The following PCDHGA7 variants were observed in gnomAD, a reference collection of about 807,000 sequenced individuals.
PCDHGA7 encodes protocadherin gamma-A7.
In PCDHGA7, 44 loss-of-function variants were observed where a neutral mutation model predicts 58.3. That is an observed-to-expected ratio of 0.75 (90% CI 0.59 to 0.97). The LOEUF is 0.97. Among genes scored for constraint, PCDHGA7 ranks in the 50% least tolerant of loss-of-function variants. PCDHGA7 has a pLI of 0.00. For synonymous variants in PCDHGA7, 516 were observed against 504.2 expected (o/e 1.02, Z -0.31); for missense variants, 1,266 against 1,188.7 (o/e 1.06, Z -0.96).
chr5:141,485,109 CTGTT>C lies in PCDHGA7; in HGVS notation c.2425-9695_2425-9692del. ...AGATAGGTGTCTCCAGCTGCTGTGG[CTGTT>C]TGGGGCGGGTCGGCTTCATCCGCGT... On this transcript the variant is annotated intron_variant, in intron 1 of 3. Transcript: ENST00000518325. This position sits in a 1 kb window ranked among gnomAD's most constrained non-coding sequence, Gnocchi z 5.7. 8.1e-7 allele frequency: 1 copy of C among 1,230,964 alleles called. No individual in the cohort carries two copies. Among genetic ancestry groups the C allele is most frequent in the Non-Finnish European group, 1.2e-6 (1 of 850,026 alleles). The allele number at this position is 1,230,964 out of a possible 1,614,324, so 76.3% of individuals were successfully genotyped here.
chr5:141,428,797 G>A (rs2097161930), intron 1 of PCDHGA7: 1 of 152,310 alleles, frequency 6.6e-6, no homozygotes, highest in Admixed American at 6.5e-5. Context: ...TTCTGTGTGG[G>A]CCAGTAACTT....
intron 1 of PCDHGA7, chr5:141,423,202 G>T: frequency 6.2e-7 from 1 of 1,613,618 alleles, no homozygotes; most frequent in Non-Finnish European, 8.5e-7. Flanking sequence ...CTCGGCCACC[G>T]TCACGCTCAC....
At chr5:141,428,174 G>A (rs962782246) in intron 1 of PCDHGA7, 3 of 1,515,246 alleles carry the variant, frequency 2.0e-6, no homozygotes, top group Non-Finnish European at 2.7e-6. Context: ...TGTGCGTGAC[G>A]GAGGACAGCC....
chr5:141,408,924 T>G, intron 1 of PCDHGA7: 1 of 1,612,706 alleles, frequency 6.2e-7, no homozygotes. Flanking sequence ...AACCCCCCGG[T>G]TTTCAGCAGA....
At chr5:141,494,363 T>C (rs1264801258) in intron 1 of PCDHGA7, among the ~76,000 whole-genome samples, 1 of 152,206 alleles carries the variant, frequency 6.6e-6, no homozygotes, top group Non-Finnish European at 1.5e-5. Context: ...CTGCAGAGGA[T>C]GCTTTGTTCC....
Position 141,383,242 on chromosome 5 carries a change from A to C in PCDHGA7, c.343A>C (p.Asn115His). 1.9e-6 allele frequency: 3 copies of C among 1,613,970 alleles called. No homozygotes were observed. The highest frequency in any genetic ancestry group is 2.5e-6 in the Non-Finnish European group (3 of 1,179,886). ...NFNILMEDKMNLYPIDVEIID... is the reference protein window; with the variant it reads ...NFNILMEDKMHLYPIDVEIID... ...TAACATCCTGATGGAAGATAAAATG[A>C]ATCTTTACCCTATAGACGTGGAAAT... is the stretch of plus-strand genomic sequence containing the variant. The change falls in exon 1 of 4, where the codon AAT becomes CAT. Residue 115 changes from asparagine (N) to histidine (H), a missense_variant. Coordinates refer to ENST00000518325, the MANE Select transcript of PCDHGA7 (RefSeq NM_018920.4).
In PCDHGA7 at chr5:141,432,853, C is replaced by A. The variant is rs748301578; in HGVS notation, c.2424+47530C>A. 1.1e-5 allele frequency: 17 copies of A among 1,614,176 alleles called. No homozygotes were observed. Among genetic ancestry groups the A allele is most frequent in the East Asian group, 4.5e-5 (2 of 44,874 alleles). On this transcript the variant is annotated intron_variant, in intron 1 of 3. Transcript: ENST00000518325. The surrounding 1 kb of genome is among the most constrained non-coding windows in gnomAD (Gnocchi z 6.0). ...CTCTGTACCTGGTGGTAGCGGTGGC[C>A]GCGGTCTCCTGCGTCTTCCTGGCCT...
At chr5:141,427,692 C>A in intron 1 of PCDHGA7, 1 of 903,150 alleles carries the variant, frequency 1.1e-6, no homozygotes, top group Non-Finnish European at 1.8e-6. Context: ...AGCCTCCATC[C>A]CACAAGTCAG....
At chr5:141,455,160 GT>G (rs59530096) in intron 1 of PCDHGA7, among the ~76,000 whole-genome samples, 102 of 149,212 alleles carry the variant, frequency 6.8e-4, no homozygotes, top group East Asian at 7.9e-4. Flanking sequence ...TAGTTTGTTG[GT>G]TTTTTTTTTA....
At chr5:141,426,775 A>G (rs2096959432) in intron 1 of PCDHGA7, 1 of 456,496 alleles carries the variant, frequency 2.2e-6, no homozygotes, top group South Asian at 1.5e-5. Context: ...GTAGGGCCTC[A>G]CTCTCTCCAG....
Position 141,382,792 on chromosome 5 carries a change from T to C in PCDHGA7, c.-108T>C, listed in dbSNP as rs993602404. 3.2e-6 allele frequency: 3 copies of C among 949,494 alleles called. No homozygotes were observed. Among genetic ancestry groups the C allele is most frequent in the Middle Eastern group, 2.2e-4 (1 of 4,530 alleles). 58.8% of individuals were successfully genotyped at this position (949,494 alleles called of 1,614,324 possible). On this transcript the variant is annotated 5_prime_UTR_variant, in exon 1 of 4. Coordinates refer to ENST00000518325, the MANE Select transcript of PCDHGA7 (RefSeq NM_018920.4). Reference sequence around the variant, plus strand: ...CTGCACTAAACTCAAGCCTCTATCCTGCTGGATTCTGAGCTCCCCTTCCTA... The same window carrying C: ...CTGCACTAAACTCAAGCCTCTATCCCGCTGGATTCTGAGCTCCCCTTCCTA...
intron 1 of PCDHGA7, chr5:141,398,025 A>T (rs1481347884): frequency 1.4e-6 from 2 of 1,445,136 alleles, no homozygotes; most frequent in Non-Finnish European, 1.8e-6. Flanking sequence ...CTAAACTGGA[A>T]CTGGAACTAA....
Position 141,446,243 on chromosome 5 carries a change from C to T in PCDHGA7, c.2425-48564C>T, listed in dbSNP as rs552551215. Among the ~76,000 whole-genome samples, 23 of 152,096 alleles carry T rather than the reference C, an allele frequency of 1.5e-4. 1 individual carries two copies. The South Asian group carries it at 4.6e-3, about 30-fold the overall frequency. On this transcript the variant is annotated intron_variant, in intron 1 of 3. Coordinates refer to ENST00000518325, the MANE Select transcript of PCDHGA7 (RefSeq NM_018920.4). ...TTGTGTTGCCTGGCAAGTGGTAGAT[C>T]TTCAGTGAAATATTATTAACTGAAT...
rs754299511 is a variant in PCDHGA7 at position 141,476,353 on chromosome 5, G to A, written c.2425-18454G>A. 4 of 1,614,202 alleles carry A rather than the reference G, an allele frequency of 2.5e-6. No individual in the cohort carries two copies. Among genetic ancestry groups the A allele is most frequent in the South Asian group, 1.1e-5 (1 of 91,082 alleles). On this transcript the variant is annotated intron_variant, in intron 1 of 3. Coordinates refer to ENST00000518325, the MANE Select transcript of PCDHGA7 (RefSeq NM_018920.4). The surrounding 1 kb of genome is among the most constrained non-coding windows in gnomAD (Gnocchi z 7.6). The stretch of plus-strand genomic sequence containing the variant: ...GAGCTAGCCGAAGATTCTTTGAGGT[G>A]AACCGGGAGACCGGAGAGATGTTTG...
At chr5:141,417,890 G>GCCGGC (rs2096180101) in intron 1 of PCDHGA7, 1 of 1,568,496 alleles carries the variant, frequency 6.4e-7, no homozygotes, top group Non-Finnish European at 8.6e-7. Context: ...GAGGCGCCGG[G>GCCGGC]CCGGCCCGCG....
chr5:141,511,733 T>C lies in PCDHGA7; in HGVS notation c.*560T>C, dbSNP rs1032711521. 9 of 177,040 alleles carry C rather than the reference T, an allele frequency of 5.1e-5. No individual in the cohort carries two copies. The highest frequency in any genetic ancestry group is 8.7e-5 in the Non-Finnish European group (7 of 80,868). The allele number at this position is 177,040 out of a possible 1,614,324, so 11.0% of individuals were successfully genotyped here. ...TCCTTCCAGAGCCCAAGATCAATGC[T>C]CAAGTTTTGGAGGACATGATCACCA... On this transcript the variant is annotated 3_prime_UTR_variant, in exon 4 of 4. Transcript: ENST00000518325.
At chr5:141,409,690 A>G in intron 1 of PCDHGA7, 1 of 1,613,354 alleles carries the variant, frequency 6.2e-7, no homozygotes. Flanking sequence ...CGAGTGACCT[A>G]GAGCCCCTGG....
chr5:141,411,174 A>T (rs574627520), intron 1 of PCDHGA7: 4 of 152,400 alleles, frequency 2.6e-5, no homozygotes, highest in African/African-American at 7.2e-5. Flanking sequence ...GAACAGAAGC[A>T]GTGGTCTTGG....
chr5:141,411,868 A>G (rs2095520425), intron 1 of PCDHGA7: 1 of 152,224 alleles, frequency 6.6e-6, no homozygotes, highest in South Asian at 2.1e-4. Flanking sequence ...TCAAAAAAAA[A>G]AGACATTTCT....
Sources: gnomAD v4.1 joint callset for allele counts (sites outside exome capture counted in the v4.1 genomes callset) on GRCh38, gnomAD v4.1.1 for gene constraint, Gnocchi (gnomAD v3.1) non-coding constraint, MANE v1.5 for transcripts, NCBI Gene and HGNC (gene_info 2026-07-23, HGNC 2026-07-21) for gene names.